The following TMEM209 variants were observed in gnomAD, a reference collection of about 807,000 sequenced individuals.
TMEM209 encodes transmembrane protein 209, also known as testicular tissue protein Li 202.
A neutral mutation model predicts 76.2 loss-of-function variants in TMEM209; 65 were observed. The ratio of observed to expected loss-of-function variants is 0.85; its 90% confidence interval spans 0.70 to 1.05. The LOEUF is 1.05. Ranked by LOEUF, TMEM209 falls within the 50% of genes least tolerant of loss-of-function variation. TMEM209 has a pLI of 0.00. For synonymous variants in TMEM209, 239 were observed against 237.6 expected (o/e 1.01, Z -0.06); for missense variants, 623 against 685.5 (o/e 0.91, Z 1.02).
intron 14 of TMEM209, 146 bp from the exon 15 acceptor site, chr7:130,166,651 G>C (rs903790709): frequency 6.1e-6 from 3 of 495,514 alleles, no homozygotes; most frequent in African/African-American, 6.0e-5. Flanking sequence ...TGGTTTATCA[G>C]GTGAATTCCA....
In TMEM209 at chr7:130,173,692, A is replaced by C. The variant is rs1265131896; in HGVS notation, c.1497T>G (p.Ser499Arg). 1 of 1,613,748 alleles carries C rather than the reference A, an allele frequency of 6.2e-7. No individual in the cohort carries two copies. Among genetic ancestry groups the C allele is most frequent in the Non-Finnish European group, 8.5e-7 (1 of 1,179,858 alleles). ...TNENVFCIYQ[S>R]AINPPHYELI... ...GCTCATAATGGGGAGGGTTGATAGCACTCTGATAAATGCAAAAAACATTCT... is the reference window on the plus strand; with the variant it reads ...GCTCATAATGGGGAGGGTTGATAGCCCTCTGATAAATGCAAAAAACATTCT... Residue 499 changes from serine to arginine, a missense_variant, in exon 13 of 15, where the codon AGT becomes AGG. Coordinates refer to ENST00000397622, the MANE Select transcript of TMEM209 (RefSeq NM_032842.4).
At position 130,181,641 on chromosome 7, in the gene TMEM209, G is replaced by C; in HGVS notation, c.1102C>G (p.Pro368Ala). ...VSTQMRRMGC[P>A]ELQIGEASIT... ...CACATACCTCCTATCTGTAGCTCTGGACAACCCATTCGTCTCATCTGTGTG... is the reference window on the plus strand; with the variant it reads ...CACATACCTCCTATCTGTAGCTCTGCACAACCCATTCGTCTCATCTGTGTG... The change falls in exon 9 of 15, where the codon CCA (proline) becomes GCA (alanine). Residue 368 changes from proline to alanine, a missense_variant. Pro to Ala is a conservative substitution (Grantham distance 27). Coordinates refer to ENST00000397622, the MANE Select transcript of TMEM209 (RefSeq NM_032842.4). 6.2e-7 allele frequency: 1 copy of C among 1,612,120 alleles called. No homozygotes were observed. The highest frequency in any genetic ancestry group is 8.5e-7 in the Non-Finnish European group (1 of 1,179,208).
At chr7:130,205,049 C>G (rs943538485) in intron 1 of TMEM209, 10 of 1,303,166 alleles carry the variant, frequency 7.7e-6, no homozygotes, top group African/African-American at 3.0e-5. Context: ...TTTATAATTC[C>G]TCCTTTCTTC....
rs570918760 is a variant in TMEM209, at chr7:130,164,902, T to C, written c.*1549A>G. On this transcript the variant is annotated 3_prime_UTR_variant, in exon 15 of 15. Transcript: ENST00000397622. ...TATCATAGCAAATAAATATTCAACA[T>C]ACACCAAAAGTACTTAAAAGAAGCT... The C allele has an allele frequency of 5.1e-4, 77 of 152,288 alleles. No individual in the cohort carries two copies. The highest frequency in any genetic ancestry group is 1.6e-3 in the African/African-American group (68 of 41,594). 9.4% of individuals were successfully genotyped at this position (152,288 alleles called of 1,614,324 possible).
At chr7:130,172,742 T>C (rs886389528) in intron 13 of TMEM209, among the ~76,000 whole-genome samples, 7 of 152,154 alleles carry the variant, frequency 4.6e-5, no homozygotes, top group African/African-American at 1.7e-4. Flanking sequence ...CTTATGCCTG[T>C]AATCCCAGCA....
intron 14 of TMEM209, among the ~76,000 whole-genome samples, 186 bp downstream of exon 14, chr7:130,170,214 A>G (rs940976100): frequency 2.4e-4 from 36 of 152,220 alleles, no homozygotes; most frequent in Non-Finnish European, 5.1e-4. Context: ...CCTTTTACCA[A>G]TGGGTTCCGA....
At chr7:130,168,912 CTAA>C (rs1377653664) in intron 14 of TMEM209, among the ~76,000 whole-genome samples, 1 of 152,020 alleles carries the variant, frequency 6.6e-6, no homozygotes, top group Non-Finnish European at 1.5e-5. Context: ...AGTTAGTTTC[CTAA>C]TCTTTCTTAC....
chr7:130,194,944 AC>A (rs1797921606), intron 5 of TMEM209, among the ~76,000 whole-genome samples: 1 of 152,122 alleles, frequency 6.6e-6, no homozygotes. Context: ...CCTCTTCCAC[AC>A]AGATTTCTCT....
intron 1 of TMEM209, among the ~76,000 whole-genome samples, chr7:130,204,326 G>C (rs991873190): frequency 3.3e-5 from 5 of 152,056 alleles, no homozygotes; most frequent in Non-Finnish European, 7.4e-5. Flanking sequence ...GTAATCAACA[G>C]AGAAGTGGCT....
At chr7:130,205,303 C>G in intron 1 of TMEM209, 70 bp downstream of exon 1, 1 of 1,613,510 alleles carries the variant, frequency 6.2e-7, no homozygotes, top group East Asian at 2.2e-5. Context: ...GACAGATCAG[C>G]AGGCGCGGAA....
Position 130,175,576 on chromosome 7 carries a change from C to T in TMEM209, c.1280G>A (p.Arg427Gln), listed in dbSNP as rs747908015. 17 of 1,612,624 alleles carry T rather than the reference C, an allele frequency of 1.1e-5. No individual in the cohort carries two copies. In the Admixed American group the frequency reaches 1.7e-4, roughly 16 times the overall value. The change falls in exon 11 of 15, where the codon CGA becomes CAA. Residue 427 changes from arginine (R) to glutamine (Q), a missense_variant. Transcript: ENST00000397622. Reference sequence around the variant, plus strand: ...TTTGAAGTCGCCACCTCTGTTCCATCGAAATGAGCTCATACAACCTCCCTG... The same window carrying T: ...TTTGAAGTCGCCACCTCTGTTCCATTGAAATGAGCTCATACAACCTCCCTG... ...LSQGGCMSSF[R>Q]WNRGGDFKGR...
chr7:130,181,703 A>T lies in TMEM209; in HGVS notation c.1040T>A (p.Ile347Lys). ...AATCTCTTGAACAAGTGGCACTAATATTGTCTCATTGATCCACTAGAAGAA... is the reference window on the plus strand; with the variant it reads ...AATCTCTTGAACAAGTGGCACTAATTTTGTCTCATTGATCCACTAGAAGAA... ...AKFRNWINET[I>K]LVPLVQEIES... The change falls in exon 9 of 15, where the codon ATA (isoleucine) becomes AAA (lysine). Residue 347 changes from isoleucine (I) to lysine (K), a missense_variant. By Grantham distance (102) the Ile-to-Lys change is moderately radical. Transcript: ENST00000397622. 6.2e-7 allele frequency: 1 copy of T among 1,608,724 alleles called. No individual in the cohort carries two copies. Among genetic ancestry groups the T allele is most frequent in the Non-Finnish European group, 8.5e-7 (1 of 1,177,332 alleles).
intron 5 of TMEM209, among the ~76,000 whole-genome samples, chr7:130,194,620 G>C (rs949347577): frequency 2.6e-5 from 4 of 152,126 alleles, no homozygotes; most frequent in Non-Finnish European, 1.5e-5. Flanking sequence ...ATCTTTGACT[G>C]AATTTCTGAT....
intron 6 of TMEM209, among the ~76,000 whole-genome samples, chr7:130,191,060 C>T (rs570303957): frequency 6.6e-6 from 1 of 151,744 alleles, no homozygotes; most frequent in East Asian, 1.9e-4. Flanking sequence ...ACTTATTAAT[C>T]ATTTATTAAT....
Position 130,185,200 on chromosome 7 carries a change from C to T in TMEM209, c.943G>A (p.Ala315Thr), listed in dbSNP as rs759012773. ...TTTTATTTTCCACTTACCTCTTCTG[C>T]GGCTTGTTTAGAGCTGAGATCGGCT... ...DEADLSSKQA[A>T]EEVWARVAMN... is the part of the protein sequence containing the mutation. Residue 315 changes from alanine to threonine, a missense_variant, in exon 7 of 15, where the codon GCA becomes ACA. Physicochemically the swap from Ala to Thr is moderately conservative, Grantham distance 58. Transcript: ENST00000397622. 9 of 1,611,368 alleles carry T rather than the reference C, an allele frequency of 5.6e-6. No homozygotes were observed. Among genetic ancestry groups the T allele is most frequent in the South Asian group, 1.1e-5 (1 of 90,756 alleles).
At chr7:130,189,354 C>T (rs889706883) in intron 6 of TMEM209, among the ~76,000 whole-genome samples, 3 of 152,016 alleles carry the variant, frequency 2.0e-5, no homozygotes, top group Non-Finnish European at 2.9e-5. Context: ...CGTCACCAAG[C>T]CTCGCTAATT....
intron 3 of TMEM209, among the ~76,000 whole-genome samples, chr7:130,203,139 G>A (rs1466646220): frequency 6.6e-6 from 1 of 151,604 alleles, no homozygotes; most frequent in Admixed American, 6.6e-5. Flanking sequence ...TTTCAAAATA[G>A]CACTAATCCT....
chr7:130,202,006 C>A lies in TMEM209; in HGVS notation c.417G>T (p.Val139=). The change falls in exon 5 of 15, where the codon GTG becomes GTT. Residue 139 remains valine (V), a synonymous_variant. Transcript: ENST00000397622. The part of the protein sequence containing the change: ...PPSPSIQGQS[V]LSYSPSRSPS... ...GCGAACGAGAAGGGCTATAACTCAACACACTCTGACCCTGAATTGAAGGGG... is the reference window on the plus strand; with the variant it reads ...GCGAACGAGAAGGGCTATAACTCAAAACACTCTGACCCTGAATTGAAGGGG... 6.2e-7 allele frequency: 1 copy of A among 1,613,824 alleles called. No individual in the cohort carries two copies. Among genetic ancestry groups the A allele is most frequent in the Non-Finnish European group, 8.5e-7 (1 of 1,179,870 alleles).
chr7:130,199,681 C>A (rs530628647), intron 5 of TMEM209, among the ~76,000 whole-genome samples: 1 of 151,880 alleles, frequency 6.6e-6, no homozygotes, highest in Non-Finnish European at 1.5e-5. Flanking sequence ...AGAGTGGGTA[C>A]AAAGGGAGAG....
Sources: gnomAD v4.1 joint callset for allele counts (sites outside exome capture counted in the v4.1 genomes callset) on GRCh38, gnomAD v4.1.1 for gene constraint, MANE v1.5 for transcripts, NCBI Gene and HGNC (gene_info 2026-07-23, HGNC 2026-07-21) for gene names.